The following JAK1 variants were observed in gnomAD, a reference collection of about 807,000 sequenced individuals.
JAK1 encodes the protein Janus kinase 1.
JAK1 carries 16 observed loss-of-function variants against 136.6 expected under a neutral mutation model. The observed-to-expected ratio is 0.12, with a 90% CI of 0.08 to 0.18. The LOEUF is 0.18. JAK1 is among the 10% of genes least tolerant of loss of function. JAK1 has a pLI of 1.00. For missense variants in JAK1, 859 were observed against 1,450.1 expected, an observed-to-expected ratio of 0.59 and a Z score of 6.62; for synonymous variants, 492 against 519.5, an observed-to-expected ratio of 0.95 and a Z score of 0.72.
At chr1:64,910,707 G>A (rs541869019) in intron 1 of JAK1, among the ~76,000 whole-genome samples, 1 of 152,202 alleles carries the variant, frequency 6.6e-6, no homozygotes, top group South Asian at 2.1e-4. Context: ...GGTGGCGAGC[G>A]CCTGTAGTCC....
intron 8 of JAK1, among the ~76,000 whole-genome samples, chr1:64,863,110 A>T (rs1339256690): frequency 6.7e-6 from 1 of 150,300 alleles, no homozygotes; most frequent in African/African-American, 2.5e-5. Flanking sequence ...GATGCAGCAT[A>T]TAACACGGGG....
intron 5 of JAK1, among the ~76,000 whole-genome samples, chr1:64,870,660 G>A (rs138610697): frequency 7.7e-4 from 117 of 152,176 alleles, no homozygotes; most frequent in Admixed American, 1.4e-3. Flanking sequence ...CTCCAGCTTG[G>A]AGCAGGGCAG....
chr1:65,023,405 C>T (rs1456010334), intron 2 of JAK1, among the ~76,000 whole-genome samples: 2 of 152,086 alleles, frequency 1.3e-5, no homozygotes, highest in African/African-American at 4.8e-5. Context: ...CAACAGATTT[C>T]GATAATTGTA....
chr1:64,935,686 C>T (rs554969168), intron 1 of JAK1, among the ~76,000 whole-genome samples: 3 of 152,304 alleles, frequency 2.0e-5, no homozygotes, highest in Non-Finnish European at 4.4e-5. Flanking sequence ...CTTGGCAGTC[C>T]CTTGATGTTT....
intron 12 of JAK1, chr1:64,847,975 G>C: frequency 3.4e-6 from 1 of 297,522 alleles, no homozygotes; most frequent in Non-Finnish European, 6.2e-6. Flanking sequence ...TCAGGACACT[G>C]CAAACAGGGC....
intron 1 of JAK1, among the ~76,000 whole-genome samples, chr1:64,937,610 G>A (rs1645812521): frequency 6.6e-6 from 1 of 152,122 alleles, no homozygotes; most frequent in Non-Finnish European, 1.5e-5. Flanking sequence ...TTTCTAAATA[G>A]GCATTAGTGG....
At chr1:65,033,322 A>G (rs1451046113) in intron 2 of JAK1, among the ~76,000 whole-genome samples, 1 of 152,052 alleles carries the variant, frequency 6.6e-6, no homozygotes, top group South Asian at 2.1e-4. Context: ...ATAATAAAAT[A>G]ATAAATTTTT....
chr1:64,893,151 A>T (rs310254), intron 1 of JAK1, among the ~76,000 whole-genome samples: 1 of 151,900 alleles, frequency 6.6e-6, no homozygotes, highest in Non-Finnish European at 1.5e-5. Flanking sequence ...TAAAAAAAAT[A>T]AAAATAAAGG....
At chr1:64,860,957 T>A (rs1385748490) in intron 8 of JAK1, among the ~76,000 whole-genome samples, 1 of 141,360 alleles carries the variant, frequency 7.1e-6, no homozygotes, top group African/African-American at 2.7e-5. Flanking sequence ...TGTGTGTGTG[T>A]GTGTGTGTGT....
intron 2 of JAK1, among the ~76,000 whole-genome samples, chr1:64,981,927 C>T (rs1646549533): frequency 6.6e-6 from 1 of 152,150 alleles, no homozygotes; most frequent in Non-Finnish European, 1.5e-5. Flanking sequence ...CACTAGGATG[C>T]AAACTAAACA....
chr1:65,047,799 T>C (rs534651922), intron 1 of JAK1, among the ~76,000 whole-genome samples: 1 of 152,048 alleles, frequency 6.6e-6, no homozygotes, highest in Admixed American at 6.5e-5. Flanking sequence ...GTAAGTATAC[T>C]GAAGTACGTT....
intron 11 of JAK1, 100 bp from the exon 12 acceptor site, chr1:64,851,010 C>A: frequency 1.3e-6 from 1 of 762,364 alleles, no homozygotes; most frequent in South Asian, 1.5e-5. Flanking sequence ...GGTGTGCGGG[C>A]GCTTGCTGCT....
intron 2 of JAK1, among the ~76,000 whole-genome samples, chr1:65,018,487 A>C (rs201539183): frequency 7.3e-4 from 70 of 96,046 alleles, no homozygotes; most frequent in African/African-American, 3.5e-3. Context: ...AGAGAGAGAG[A>C]ACACACACAC....
At chr1:64,838,799 T>G (rs1478292755) in intron 20 of JAK1, among the ~76,000 whole-genome samples, 1 of 152,152 alleles carries the variant, frequency 6.6e-6, no homozygotes, top group Non-Finnish European at 1.5e-5. Context: ...GCATAAGCAC[T>G]CACTGAGATA....
chr1:65,044,274 T>G (rs74080264), intron 2 of JAK1, among the ~76,000 whole-genome samples: 1 of 152,198 alleles, frequency 6.6e-6, no homozygotes, highest in African/African-American at 2.4e-5. Flanking sequence ...GCTGGGACCC[T>G]GAACTGGTGA....
intron 1 of JAK1, among the ~76,000 whole-genome samples, chr1:64,910,473 T>C (rs1272055835): frequency 6.6e-6 from 1 of 152,214 alleles, no homozygotes. Flanking sequence ...AGAGGGAGAT[T>C]TGAAATTTCA....
chr1:64,974,730 A>AG (rs1291014462), intron 2 of JAK1: 2 of 152,252 alleles, frequency 1.3e-5, no homozygotes, highest in Non-Finnish European at 2.9e-5. Flanking sequence ...GGAAGAAGAG[A>AG]GGGAAAAAGA....
chr1:64,990,894 TGGGCGACA>T, intron 2 of JAK1: 1 of 120,666 alleles, frequency 8.3e-6, no homozygotes, highest in Admixed American at 1.3e-4. Flanking sequence ...CATTCCAGCC[TGGGCGACA>T]GAGCGAGACT....
intron 2 of JAK1, among the ~76,000 whole-genome samples, chr1:65,037,442 G>C (rs1557768773): frequency 6.6e-6 from 1 of 152,030 alleles, no homozygotes; most frequent in Non-Finnish European, 1.5e-5. Context: ...TGCCCAGCTT[G>C]TATTAAGTTC....
Sources: gnomAD v4.1 joint callset for allele counts (sites outside exome capture counted in the v4.1 genomes callset) on GRCh38, gnomAD v4.1.1 for gene constraint, MANE v1.5 for transcripts, NCBI Gene and HGNC (gene_info 2026-07-23, HGNC 2026-07-21) for gene names.